KCNC2: variants seen among roughly 807,000 people sequenced by gnomAD.
The protein encoded by KCNC2 is voltage-gated potassium channel KCNC2.
KCNC2 carries 21 observed loss-of-function variants against 44.5 expected under a neutral mutation model. The ratio of observed to expected loss-of-function variants is 0.47; its 90% confidence interval spans 0.33 to 0.68. KCNC2 has a LOEUF of 0.68. KCNC2 is among the 30% of genes least tolerant of loss of function. The pLI is 0.01. For synonymous variants in KCNC2, 391 were observed against 339.1 expected, an observed-to-expected ratio of 1.15 and a Z score of -1.68; for missense variants, 589 against 826.2, an observed-to-expected ratio of 0.71 and a Z score of 3.52.
At chr12:75,174,935 T>C (rs1386917929) in intron 2 of KCNC2, among the ~76,000 whole-genome samples, 1 of 151,984 alleles carries the variant, frequency 6.6e-6, no homozygotes, top group Non-Finnish European at 1.5e-5. Flanking sequence ...AAGCAGTTAA[T>C]ACAACAAGAA....
chr12:75,172,816 T>C (rs1323599017), intron 2 of KCNC2, among the ~76,000 whole-genome samples: 2 of 151,860 alleles, frequency 1.3e-5, no homozygotes, highest in African/African-American at 4.8e-5. Context: ...GATCACAACT[T>C]GGCCTTGTTC....
intron 2 of KCNC2, among the ~76,000 whole-genome samples, chr12:75,058,035 G>T (rs1881929157): frequency 6.6e-6 from 1 of 151,924 alleles, no homozygotes; most frequent in Admixed American, 6.6e-5. Flanking sequence ...GGCTTGATGT[G>T]TTATTGGTAT....
At chr12:75,181,859 A>G (rs558725984) in intron 2 of KCNC2, among the ~76,000 whole-genome samples, 106 of 148,928 alleles carry the variant, frequency 7.1e-4, no homozygotes, top group African/African-American at 2.6e-3. Flanking sequence ...CATCTCTTCA[A>G]TCATTTAATC....
At position 75,209,507 on chromosome 12, in the gene KCNC2, G is replaced by C. The variant is rs533560575; in HGVS notation, c.-320C>G. ...CAGGGTTGGGCAAACCATGGAGCTC[G>C]GGGCGGGTCCAGCCGGCACTGCCCG... On this transcript the variant is annotated 5_prime_UTR_variant, in exon 1 of 5. Coordinates refer to ENST00000549446, the MANE Select transcript of KCNC2 (RefSeq NM_139137.4). 6.6e-6 allele frequency: 1 copy of C among 152,248 alleles called. No individual in the cohort carries two copies. Among genetic ancestry groups the C allele is most frequent in the Non-Finnish European group, 1.5e-5 (1 of 68,090 alleles). The allele number at this position is 152,248 out of a possible 1,614,324, so 9.4% of individuals were successfully genotyped here. A position where few individuals can be genotyped will look rare whatever the true frequency, so the allele number is the denominator to read the frequency against.
intron 2 of KCNC2, among the ~76,000 whole-genome samples, chr12:75,061,703 C>T (rs1002321388): frequency 6.6e-6 from 1 of 152,048 alleles, no homozygotes; most frequent in African/African-American, 2.4e-5. Flanking sequence ...TAGGGCTTAA[C>T]AGTGAGTCCT....
chr12:75,081,693 A>C (rs1346106718), intron 2 of KCNC2, among the ~76,000 whole-genome samples: 1 of 152,070 alleles, frequency 6.6e-6, no homozygotes, highest in Non-Finnish European at 1.5e-5. Flanking sequence ...TACTTATGTA[A>C]TAATTTGAAA....
intron 2 of KCNC2, among the ~76,000 whole-genome samples, chr12:75,069,495 C>T (rs1288695065): frequency 6.6e-6 from 1 of 152,062 alleles, no homozygotes; most frequent in Non-Finnish European, 1.5e-5. Context: ...CATGCTGCTT[C>T]CATTGATTCA....
intron 2 of KCNC2, among the ~76,000 whole-genome samples, chr12:75,154,045 T>C (rs1890595019): frequency 6.6e-6 from 1 of 151,892 alleles, no homozygotes; most frequent in Non-Finnish European, 1.5e-5. Flanking sequence ...TGTTCAAGAG[T>C]CAACTATAAT....
intron 2 of KCNC2, among the ~76,000 whole-genome samples, chr12:75,108,996 C>T (rs1360403851): frequency 6.6e-6 from 1 of 152,150 alleles, no homozygotes; most frequent in Non-Finnish European, 1.5e-5. Flanking sequence ...CTAGAAGATA[C>T]AAACAAACCT....
chr12:75,107,261 G>T (rs141126889), intron 2 of KCNC2, among the ~76,000 whole-genome samples: 2,335 of 152,148 alleles, frequency 0.015, 55 homozygotes, highest in African/African-American at 0.052. Flanking sequence ...CCAAGATCAC[G>T]CCACTGCAAT....
intron 2 of KCNC2, among the ~76,000 whole-genome samples, chr12:75,114,935 C>T (rs1887541087): frequency 6.9e-6 from 1 of 145,562 alleles, no homozygotes; most frequent in African/African-American, 2.6e-5. Context: ...GCGATCTCGG[C>T]TCACTGCAGG....
In KCNC2 at chr12:75,194,359, A is replaced by G. The variant is rs185253459; in HGVS notation, c.687+12938T>C. Reference sequence around the variant, plus strand: ...AGATGCATCTACAGCCAAGAAACACAAAGAAACTCCAAGAATTGCAACCAC... The same window carrying G: ...AGATGCATCTACAGCCAAGAAACACGAAGAAACTCCAAGAATTGCAACCAC... On this transcript the variant is annotated intron_variant, in intron 2 of 4. Coordinates refer to ENST00000549446, the MANE Select transcript of KCNC2 (RefSeq NM_139137.4). Among the ~76,000 whole-genome samples the G allele has an allele frequency of 9.2e-5, 14 of 152,298 alleles. No homozygotes were observed. In the East Asian group the frequency reaches 2.7e-3, roughly 29 times the overall value.
At chr12:75,063,093 G>T (rs1364823711) in intron 2 of KCNC2, among the ~76,000 whole-genome samples, 1 of 151,990 alleles carries the variant, frequency 6.6e-6, no homozygotes, top group Non-Finnish European at 1.5e-5. Flanking sequence ...TTAGGCAAGA[G>T]CCAGAATTAT....
chr12:75,139,668 A>C (rs1429118082), intron 2 of KCNC2, among the ~76,000 whole-genome samples: 1 of 152,230 alleles, frequency 6.6e-6, no homozygotes, highest in Non-Finnish European at 1.5e-5. Context: ...ATGTCTAAGC[A>C]GAAATATGCT....
chr12:75,145,522 CT>C (rs763515425), intron 2 of KCNC2, among the ~76,000 whole-genome samples: 1 of 150,904 alleles, frequency 6.6e-6, no homozygotes, highest in Non-Finnish European at 1.5e-5. Context: ...CTTTCAAAGT[CT>C]TTCTACATTT....
chr12:75,117,450 C>G (rs1887745168), intron 2 of KCNC2, among the ~76,000 whole-genome samples: 1 of 152,180 alleles, frequency 6.6e-6, no homozygotes, highest in Admixed American at 6.5e-5. Flanking sequence ...TTGTTAGTCT[C>G]ATGGGTAGTC....
Position 75,207,385 on chromosome 12 carries a change from C to T in KCNC2, c.599G>A (p.Gly200Asp), listed in dbSNP as rs202192544. ...LGIEDAAGLGGPDGKSGRWRR... is the reference protein window; with the variant it reads ...LGIEDAAGLGDPDGKSGRWRR... The stretch of plus-strand genomic sequence containing the variant: ...CCAGCGGCCAGATTTGCCGTCGGGG[C>T]CCCCGAGCCCCGCCGCGTCCTCGAT... Residue 200 changes from glycine to aspartate, a missense_variant, in exon 2 of 5, where the codon GGC becomes GAC. Transcript: ENST00000549446. This position sits in a 1 kb window ranked among gnomAD's most constrained non-coding sequence, Gnocchi z 4.1. 3.2e-6 allele frequency: 5 copies of T among 1,580,692 alleles called. No homozygotes were observed. In the South Asian group the frequency reaches 5.7e-5, roughly 18 times the overall value.
intron 2 of KCNC2, among the ~76,000 whole-genome samples, chr12:75,182,084 A>G (rs769680757): frequency 1.6e-4 from 24 of 151,574 alleles, no homozygotes; most frequent in Non-Finnish European, 3.1e-4. Context: ...CCAGAGGCAC[A>G]TAGGTAGTTA....
intron 2 of KCNC2, among the ~76,000 whole-genome samples, chr12:75,075,451 A>T (rs1216187687): frequency 1.5e-4 from 3 of 19,726 alleles, no homozygotes; most frequent in African/African-American, 4.2e-4. Context: ...AGAGAAATAT[A>T]TATATACATA....
Sources: gnomAD v4.1 joint callset for allele counts (sites outside exome capture counted in the v4.1 genomes callset) on GRCh38, gnomAD v4.1.1 for gene constraint, Gnocchi (gnomAD v3.1) non-coding constraint, MANE v1.5 for transcripts, NCBI Gene and HGNC (gene_info 2026-07-23, HGNC 2026-07-21) for gene names.